The following ANKFN1 variants were observed in gnomAD, a reference collection of about 807,000 sequenced individuals.
ANKFN1 encodes the protein ankyrin repeat and fibronectin type III domain containing 1.
In ANKFN1, 74 loss-of-function variants were observed where a neutral mutation model predicts 108.7. That is an observed-to-expected ratio of 0.68 (90% CI 0.56 to 0.83). ANKFN1 has a LOEUF of 0.83. ANKFN1 is among the 40% of genes least tolerant of loss of function. The pLI is 0.00. For missense variants in ANKFN1, 1,505 were observed against 1,382.3 expected, an observed-to-expected ratio of 1.09 and a Z score of -1.41; for synonymous variants, 547 against 516.2, an observed-to-expected ratio of 1.06 and a Z score of -0.81.
intron 11 of ANKFN1, among the ~76,000 whole-genome samples, chr17:56,452,866 C>T (rs1408972244): frequency 6.6e-6 from 1 of 152,130 alleles, no homozygotes; most frequent in Non-Finnish European, 1.5e-5. Flanking sequence ...CTGGGCTGTA[C>T]TTTTACTTCT....
intron 6 of ANKFN1, among the ~76,000 whole-genome samples, chr17:56,372,444 T>C (rs1401280896): frequency 1.3e-5 from 2 of 152,092 alleles, no homozygotes; most frequent in African/African-American, 2.4e-5. Context: ...ATTAATGTGA[T>C]GAATTTACCA....
intron 4 of ANKFN1, among the ~76,000 whole-genome samples, chr17:56,118,434 ATC>A (rs1380281388): frequency 1.3e-5 from 2 of 152,196 alleles, no homozygotes; most frequent in Admixed American, 6.5e-5. Flanking sequence ...GCATATAAAT[ATC>A]TGTCATAAAA....
At chr17:56,475,878 A>G (rs1054302665) in intron 15 of ANKFN1, among the ~76,000 whole-genome samples, 3 of 152,168 alleles carry the variant, frequency 2.0e-5, no homozygotes, top group African/African-American at 7.2e-5. Flanking sequence ...ACACTGCTAT[A>G]AAGAACTACT....
At chr17:56,388,871 C>G (rs1202613688) in intron 8 of ANKFN1, among the ~76,000 whole-genome samples, 1 of 152,134 alleles carries the variant, frequency 6.6e-6, no homozygotes, top group African/African-American at 2.4e-5. Flanking sequence ...TCATTACATG[C>G]CTATCACAGT....
At chr17:56,170,372 G>C (rs1301195358) in intron 1 of ANKFN1, among the ~76,000 whole-genome samples, 1 of 152,124 alleles carries the variant, frequency 6.6e-6, no homozygotes, top group African/African-American at 2.4e-5. Flanking sequence ...GAGAGGGAGC[G>C]ACAGAGTCTG....
chr17:56,334,071 A>C (rs542120705), intron 4 of ANKFN1, among the ~76,000 whole-genome samples: 1 of 152,162 alleles, frequency 6.6e-6, no homozygotes, highest in Non-Finnish European at 1.5e-5. Context: ...TTAAAATAAC[A>C]TCTAACAATT....
intron 8 of ANKFN1, among the ~76,000 whole-genome samples, chr17:56,427,421 A>T (rs76657209): frequency 1.3e-5 from 2 of 149,514 alleles, no homozygotes; most frequent in African/African-American, 2.5e-5. Flanking sequence ...ATTGCTGTTT[A>T]TTTTTTTTTT....
At chr17:56,502,449 T>G (rs2145459886) in intron 20 of ANKFN1, among the ~76,000 whole-genome samples, 1 of 152,328 alleles carries the variant, frequency 6.6e-6, no homozygotes. Context: ...TCCATTTACT[T>G]CTTGGAAGCC....
Position 56,510,532 on chromosome 17 carries a change from G to T in ANKFN1, c.2704G>T (p.Asp902Tyr). 2.0e-6 allele frequency: 3 copies of T among 1,536,172 alleles called. No homozygotes were observed. The highest frequency in any genetic ancestry group is 2.6e-6 in the Non-Finnish European group (3 of 1,146,916). Residue 902 changes from aspartate to tyrosine, a missense_variant, in exon 21 of 21, where the codon GAC becomes TAC. Coordinates refer to ENST00000682825, the MANE Select transcript of ANKFN1 (RefSeq NM_001370326.1). ...CSEVFLPTNS[D>Y]YDSSDALSPR... Reference sequence around the variant, plus strand: ...AGAAGTCTTCCTCCCCACCAACAGTGACTACGACTCCAGCGATGCCCTGAG... The same window carrying T: ...AGAAGTCTTCCTCCCCACCAACAGTTACTACGACTCCAGCGATGCCCTGAG...
At chr17:56,210,012 G>T (rs1325802570) in intron 1 of ANKFN1, among the ~76,000 whole-genome samples, 1 of 151,958 alleles carries the variant, frequency 6.6e-6, no homozygotes, top group Non-Finnish European at 1.5e-5. Context: ...TCCTTTTCAT[G>T]ACTGAGTAGT....
intron 4 of ANKFN1, among the ~76,000 whole-genome samples, chr17:56,114,265 C>A (rs995392346): frequency 3.3e-5 from 5 of 152,072 alleles, no homozygotes; most frequent in Non-Finnish European, 5.9e-5. Context: ...AGTTAAGAAC[C>A]CTTGCACATC....
chr17:56,123,271 T>C (rs1014701390), intron 4 of ANKFN1, among the ~76,000 whole-genome samples: 5 of 152,248 alleles, frequency 3.3e-5, no homozygotes, highest in African/African-American at 1.2e-4. Context: ...CCAGAGTGGC[T>C]GCATCTTCCA....
At chr17:56,228,065 C>A in intron 3 of ANKFN1, 108 bp downstream of exon 3, 2 of 894,816 alleles carry the variant, frequency 2.2e-6, no homozygotes, top group Non-Finnish European at 3.4e-6. Context: ...TAAAGTCTAG[C>A]TCAGCACACA....
intron 8 of ANKFN1, among the ~76,000 whole-genome samples, chr17:56,397,231 T>A (rs548073075): frequency 1.3e-5 from 2 of 152,314 alleles, no homozygotes; most frequent in South Asian, 4.1e-4. Context: ...AACACATCCA[T>A]GAATGCTGAG....
At chr17:56,187,302 A>T (rs1567824769) in intron 1 of ANKFN1, among the ~76,000 whole-genome samples, 1 of 152,236 alleles carries the variant, frequency 6.6e-6, no homozygotes, top group African/African-American at 2.4e-5. Context: ...TCTCAAAAGA[A>T]GACATTTATG....
intron 20 of ANKFN1, among the ~76,000 whole-genome samples, chr17:56,505,133 G>T (rs1226963713): frequency 6.6e-6 from 1 of 152,102 alleles, no homozygotes; most frequent in Non-Finnish European, 1.5e-5. Context: ...TGTTCTTTCT[G>T]CTATATTTGG....
intron 1 of ANKFN1, among the ~76,000 whole-genome samples, chr17:56,160,809 C>T (rs1909586457): frequency 6.6e-6 from 1 of 152,124 alleles, no homozygotes; most frequent in Non-Finnish European, 1.5e-5. Context: ...CTCACACCCT[C>T]CAGGCTCAGA....
intron 3 of ANKFN1, among the ~76,000 whole-genome samples, chr17:56,296,690 C>A (rs1454281175): frequency 6.6e-6 from 1 of 151,774 alleles, no homozygotes; most frequent in Non-Finnish European, 1.5e-5. Flanking sequence ...TCTCAAAAAA[C>A]AAACAAACAA....
chr17:56,265,873 A>G (rs2043635725), intron 3 of ANKFN1, among the ~76,000 whole-genome samples: 1 of 151,946 alleles, frequency 6.6e-6, no homozygotes, highest in Non-Finnish European at 1.5e-5. Context: ...GTTTTCAAGT[A>G]TTTTCAGTCC....
Sources: allele counts gnomAD v4.1 joint callset (sites outside exome capture counted in the v4.1 genomes callset), GRCh38; gene constraint gnomAD v4.1.1; transcripts MANE v1.5; gene names NCBI Gene and HGNC (gene_info 2026-07-23, HGNC 2026-07-21).